SDK2: variants seen among roughly 807,000 people sequenced by gnomAD.
The protein encoded by SDK2 is protein sidekick-2.
A neutral mutation model predicts 253.9 loss-of-function variants in SDK2; 105 were observed. That is an observed-to-expected ratio of 0.41 (90% confidence interval 0.35 to 0.49). The LOEUF is 0.49. Among genes scored for constraint, SDK2 ranks in the 20% least tolerant of loss-of-function variants. SDK2 has a pLI of 0.06. For missense variants in SDK2, 2,608 were observed against 3,003.0 expected (o/e 0.87, Z 3.07); for synonymous variants, 1,249 against 1,234.9 (o/e 1.01, Z -0.24).
At chr17:73,588,138 C>T (rs936668675) in intron 1 of SDK2, among the ~76,000 whole-genome samples, 7 of 151,646 alleles carry the variant, frequency 4.6e-5, no homozygotes, top group East Asian at 3.9e-4. Context: ...TTTGGGAGGC[C>T]GAGCCTGGTG....
intron 1 of SDK2, among the ~76,000 whole-genome samples, chr17:73,576,555 A>C (rs1343932879): frequency 1.3e-5 from 2 of 152,174 alleles, no homozygotes; most frequent in Non-Finnish European, 2.9e-5. Flanking sequence ...AGAGGGTGAG[A>C]CATCCAAGGC....
intron 1 of SDK2, among the ~76,000 whole-genome samples, chr17:73,525,253 A>G (rs2064116252): frequency 6.6e-6 from 1 of 152,148 alleles, no homozygotes; most frequent in South Asian, 2.1e-4. Flanking sequence ...GGGCCCCAGA[A>G]GCAGCCCTCG....
intron 39 of SDK2, among the ~76,000 whole-genome samples, chr17:73,358,978 T>C (rs1304260984): frequency 6.6e-6 from 1 of 151,032 alleles, no homozygotes; most frequent in Non-Finnish European, 1.5e-5. Flanking sequence ...ATGAGAGGAG[T>C]GAGCCAGGTA....
chr17:73,448,934 T>A (rs1459617010), intron 4 of SDK2, among the ~76,000 whole-genome samples: 5 of 152,200 alleles, frequency 3.3e-5, no homozygotes, highest in African/African-American at 1.2e-4. Flanking sequence ...GTACTGGGAT[T>A]ACAGGTGTGA....
At chr17:73,425,784 G>C (rs2063276730) in intron 12 of SDK2, among the ~76,000 whole-genome samples, 1 of 152,110 alleles carries the variant, frequency 6.6e-6, no homozygotes, top group Non-Finnish European at 1.5e-5. Flanking sequence ...TGGGATTACA[G>C]GTGTGAGCCA....
intron 1 of SDK2, among the ~76,000 whole-genome samples, chr17:73,553,889 CAGA>C (rs1255747038): frequency 6.6e-6 from 1 of 152,116 alleles, no homozygotes; most frequent in Non-Finnish European, 1.5e-5. Context: ...ATCTGGCCTG[CAGA>C]AGACCTCTTC....
chr17:73,458,795 G>A (rs553126623), intron 3 of SDK2, among the ~76,000 whole-genome samples: 8 of 152,280 alleles, frequency 5.3e-5, no homozygotes, highest in African/African-American at 1.9e-4. Flanking sequence ...CATGAGGTCA[G>A]GAGTTCGAGA....
chr17:73,503,260 C>A (rs8077756), intron 2 of SDK2, among the ~76,000 whole-genome samples: 31 of 152,154 alleles, frequency 2.0e-4, no homozygotes, highest in African/African-American at 3.1e-4. Flanking sequence ...TACGTCCATC[C>A]GAACAAATGG....
rs1194045918 is a variant in SDK2 at position 73,393,742 on chromosome 17, T to C, written c.3716A>G (p.Tyr1239Cys). 6.4e-7 allele frequency: 1 copy of C among 1,571,124 alleles called. No individual in the cohort carries two copies. The highest frequency in any genetic ancestry group is 8.7e-7 in the Non-Finnish European group (1 of 1,149,558). Reference protein sequence around the residue: ...NGLVLGYKVMYKEKDSDTQPR... With the variant: ...NGLVLGYKVMCKEKDSDTQPR... ...CTGGGTGTCCGAGTCCTTCTCCTTA[T>C]ACATCACCTGTCAGGGCCCAGCACA... Residue 1239 changes from tyrosine (Y) to cysteine (C), a missense_variant, in exon 27 of 45, where the codon TAT (tyrosine) becomes TGT (cysteine). Tyr to Cys is a radical substitution (Grantham distance 194, BLOSUM62 -2). Coordinates refer to ENST00000392650, the MANE Select transcript of SDK2 (RefSeq NM_001144952.2).
In SDK2 at chr17:73,512,127, G is replaced by T. The variant is rs546326453; in HGVS notation, c.65-4530C>A. 2.0e-5 allele frequency among the ~76,000 whole-genome samples: 3 copies of T among 152,278 alleles called. No individual in the cohort carries two copies. The South Asian group carries it at 6.2e-4, about 32-fold the overall frequency. On this transcript the variant is annotated intron_variant, in intron 1 of 44. Coordinates refer to ENST00000392650, the MANE Select transcript of SDK2 (RefSeq NM_001144952.2). ...TTCTGTGTTGTGAATGCTCAGGAGG[G>T]TAGCACAAACCAGTGACCTTGAGAA...
chr17:73,578,060 CTTTT>C (rs34300652), intron 1 of SDK2, among the ~76,000 whole-genome samples: 4 of 139,022 alleles, frequency 2.9e-5, no homozygotes, highest in South Asian at 2.3e-4. Flanking sequence ...CTATGGACAT[CTTTT>C]TTTTTTTTTT....
At chr17:73,472,253 A>C (rs528329515) in intron 2 of SDK2, 35 bp from the exon 3 acceptor site, 1 of 1,465,202 alleles carries the variant, frequency 6.8e-7, no homozygotes, top group East Asian at 2.5e-5. Context: ...TGAGCAAGTC[A>C]GGCAGCTGCA....
At chr17:73,601,062 C>T (rs1032019526) in intron 1 of SDK2, among the ~76,000 whole-genome samples, 5 of 151,606 alleles carry the variant, frequency 3.3e-5, no homozygotes, top group East Asian at 1.9e-4. Context: ...CTCTGTTGCC[C>T]GGGCTGGAGT....
At chr17:73,598,574 A>G (rs1373087314) in intron 1 of SDK2, among the ~76,000 whole-genome samples, 1 of 152,186 alleles carries the variant, frequency 6.6e-6, no homozygotes, top group Non-Finnish European at 1.5e-5. Flanking sequence ...AACTAGGCCC[A>G]CCTGAAACCC....
chr17:73,631,290 A>G lies in SDK2; in HGVS notation c.64+12735T>C, dbSNP rs114945993. On this transcript the variant is annotated intron_variant, in intron 1 of 44. Transcript: ENST00000392650. ...GCCAACCCGCTCTCTGCCTGTAGAC[A>G]CTACACCAGGGCACAGAAAGGAACT... 6.7e-3 allele frequency among the ~76,000 whole-genome samples: 1,021 copies of G among 152,228 alleles called. 12 individuals are homozygous for G. Among genetic ancestry groups the G allele is most frequent in the African/African-American group, 0.023 (972 of 41,518 alleles).
At chr17:73,344,193 C>A (rs1165073036) in intron 44 of SDK2, among the ~76,000 whole-genome samples, 1 of 152,156 alleles carries the variant, frequency 6.6e-6, no homozygotes, top group Admixed American at 6.5e-5. Flanking sequence ...GTTAAGATAG[C>A]TGGAAATCTC....
intron 30 of SDK2, among the ~76,000 whole-genome samples, chr17:73,386,804 G>T (rs571138319): frequency 4.1e-4 from 62 of 152,354 alleles, no homozygotes; most frequent in Middle Eastern, 3.4e-3. Context: ...TTTAGCCCCA[G>T]TTGTAAGCCA....
At chr17:73,615,827 T>C (rs749625077) in intron 1 of SDK2, among the ~76,000 whole-genome samples, 2 of 151,992 alleles carry the variant, frequency 1.3e-5, no homozygotes, top group African/African-American at 2.4e-5. Context: ...TACATAAACA[T>C]ATACACAAAT....
At chr17:73,567,755 C>T (rs895366988) in intron 1 of SDK2, among the ~76,000 whole-genome samples, 1 of 152,228 alleles carries the variant, frequency 6.6e-6, no homozygotes, top group Non-Finnish European at 1.5e-5. Context: ...TGCTGGGTTT[C>T]GGACTTGGGT....
Sources: gnomAD v4.1 joint callset for allele counts (sites outside exome capture counted in the v4.1 genomes callset) on GRCh38, gnomAD v4.1.1 for gene constraint, MANE v1.5 for transcripts, NCBI Gene and HGNC (gene_info 2026-07-23, HGNC 2026-07-21) for gene names.